Variants in ZNF470 observed in about 807,000 individuals in gnomAD.
ZNF470 encodes the protein zinc finger protein 470.
Under a neutral mutation model 13.9 loss-of-function variants are expected in ZNF470, and 13 were observed. The ratio of observed to expected loss-of-function variants is 0.94; its 90% CI spans 0.61 to 1.49. The LOEUF is 1.49. ZNF470 is among the 40% of genes most tolerant of loss of function. The probability of loss-of-function intolerance (pLI) is 0.00; values close to 1 mark genes in which losing one functional copy is unlikely to be tolerated. For missense variants in ZNF470, 929 were observed against 857.3 expected, an observed-to-expected ratio of 1.08 and a Z score of -1.04; for synonymous variants, 293 against 282.9, an observed-to-expected ratio of 1.04 and a Z score of -0.36.
chr19:56,571,025 C>T (rs769423963), intron 3 of ZNF470, among the ~76,000 whole-genome samples: 4 of 152,136 alleles, frequency 2.6e-5, no homozygotes, highest in African/African-American at 4.8e-5. Flanking sequence ...CTGCTGAGGG[C>T]AGGAAGGGTT....
rs138941938 is a variant in ZNF470 at position 56,574,650 on chromosome 19, C to G, written c.200C>G (p.Ser67Cys). Reference sequence around the variant, plus strand: ...TTTTTACATGCAGGTCTTTGCATTTCTAAACCAGATGTGATCTCCTTACTG... The same window carrying G: ...TTTTTACATGCAGGTCTTTGCATTTGTAAACCAGATGTGATCTCCTTACTG... Reference protein sequence around the residue: ...RNLVSVGLCISKPDVISLLEQ... With the variant: ...RNLVSVGLCICKPDVISLLEQ... Residue 67 changes from serine to cysteine, a missense_variant, in exon 5 of 6, where the codon TCT becomes TGT. Ser to Cys is a moderately radical substitution (Grantham distance 112). Transcript: ENST00000330619. 1.6e-4 allele frequency: 260 copies of G among 1,613,620 alleles called. 1 individual carries two copies. The African/African-American group carries it at 3.1e-3, about 19-fold the overall frequency.
In ZNF470 at chr19:56,574,749, C is replaced by G. The variant is rs1302927603; in HGVS notation, c.283+16C>G. On this transcript the variant is annotated intron_variant, in intron 5 of 5. Transcript: ENST00000330619. The stretch of plus-strand genomic sequence containing the variant: ...CTGTGCCCAGGTAAGTGGAGGATAC[C>G]TAGAGATAAAGGAACTGTTCTCAAC... 3 of 1,603,030 alleles carry G rather than the reference C, an allele frequency of 1.9e-6. No homozygotes were observed. The highest frequency in any genetic ancestry group is 4.5e-5 in the East Asian group (2 of 44,808).
rs2044535700 is a variant in ZNF470, at chr19:56,581,477, A to G, written c.*2894A>G. On this transcript the variant is annotated 3_prime_UTR_variant, in exon 6 of 6. Coordinates refer to ENST00000330619, the MANE Select transcript of ZNF470 (RefSeq NM_001001668.4). ...AAATGTATTAGTGGCAAAAAAATTA[A>G]TGGTAAACTATTAAAACAACAAGTG... 2.2e-6 allele frequency: 2 copies of G among 924,452 alleles called. No individual in the cohort carries two copies. Among genetic ancestry groups the G allele is most frequent in the Non-Finnish European group, 2.6e-6 (2 of 774,556 alleles). 57.3% of individuals were successfully genotyped at this position (924,452 alleles called of 1,614,324 possible). A position where few individuals can be genotyped will look rare whatever the true frequency, so the allele number is the denominator to read the frequency against.
At chr19:56,569,643 A>G (rs2044435939) in intron 2 of ZNF470, among the ~76,000 whole-genome samples, 1 of 152,162 alleles carries the variant, frequency 6.6e-6, no homozygotes, top group Non-Finnish European at 1.5e-5. Flanking sequence ...TAAAGACAGT[A>G]TTAATATATG....
chr19:56,573,551 T>TG (rs1332285755), intron 3 of ZNF470, among the ~76,000 whole-genome samples: 1 of 152,246 alleles, frequency 6.6e-6, no homozygotes, highest in Non-Finnish European at 1.5e-5. Flanking sequence ...GATCACTTTG[T>TG]GGGTTGGTTA....
chr19:56,567,671 G>C lies in ZNF470; in HGVS notation c.-526G>C. On this transcript the variant is annotated 5_prime_UTR_variant, in exon 1 of 6. Coordinates refer to ENST00000330619, the MANE Select transcript of ZNF470 (RefSeq NM_001001668.4). ...ATACGTGGTGAGCGTGCGGTGCTGT[G>C]CTGAGGAGGGGCGAGCGCGCGCGGG... is the stretch of plus-strand genomic sequence containing the variant. 1 of 988,090 alleles carries C rather than the reference G, an allele frequency of 1.0e-6. No homozygotes were observed. The highest frequency in any genetic ancestry group is 1.2e-6 in the Non-Finnish European group (1 of 831,954). 61.2% of individuals were successfully genotyped at this position (988,090 alleles called of 1,614,324 possible). A position where few individuals can be genotyped will look rare whatever the true frequency, so the allele number is the denominator to read the frequency against.
Position 56,582,354 on chromosome 19 carries a change from C to T in ZNF470, c.*3771C>T. ...TAGCATTAAGGCAAAAAAAATTCAC[C>T]TAAGGGATTTTGTATGATATTGTTG... On this transcript the variant is annotated 3_prime_UTR_variant, in exon 6 of 6. Coordinates refer to ENST00000330619, the MANE Select transcript of ZNF470 (RefSeq NM_001001668.4). 1.0e-6 allele frequency: 1 copy of T among 985,232 alleles called. No individual in the cohort carries two copies. Among genetic ancestry groups the T allele is most frequent in the Non-Finnish European group, 1.2e-6 (1 of 829,862 alleles). 61.0% of individuals were successfully genotyped at this position (985,232 alleles called of 1,614,324 possible).
chr19:56,580,967 G>C lies in ZNF470; in HGVS notation c.*2384G>C. 1.0e-6 allele frequency: 1 copy of C among 984,886 alleles called. No homozygotes were observed. The allele number at this position is 984,886 out of a possible 1,614,324, so 61.0% of individuals were successfully genotyped here. The stretch of plus-strand genomic sequence containing the variant: ...TTAAAGGTCTAAATGTAAAATTAAA[G>C]TACATGAAAAACAGAATAATATATA... On this transcript the variant is annotated 3_prime_UTR_variant, in exon 6 of 6. Coordinates refer to ENST00000330619, the MANE Select transcript of ZNF470 (RefSeq NM_001001668.4).
chr19:56,567,490 C>G lies in ZNF470; in HGVS notation c.-707C>G, dbSNP rs1012315595. 4.1e-6 allele frequency: 4 copies of G among 985,910 alleles called. No individual in the cohort carries two copies. The highest frequency in any genetic ancestry group is 4.8e-6 in the Non-Finnish European group (4 of 830,322). 61.1% of individuals were successfully genotyped at this position (985,910 alleles called of 1,614,324 possible). The stretch of plus-strand genomic sequence containing the variant: ...CCCACTTCCGGAAAGGACCCAAAGC[C>G]GGGCGAGTGCACGTCCCGCCGGTTG... On this transcript the variant is annotated 5_prime_UTR_variant, in exon 1 of 6. Coordinates refer to ENST00000330619, the MANE Select transcript of ZNF470 (RefSeq NM_001001668.4).
At chr19:56,570,165 G>A in intron 2 of ZNF470, 115 bp from the exon 3 acceptor site, 1 of 680,390 alleles carries the variant, frequency 1.5e-6, no homozygotes, top group Non-Finnish European at 2.6e-6. Flanking sequence ...CTGTGGGGTG[G>A]GGGAGTTGGA....
chr19:56,577,313 A>C lies in ZNF470; in HGVS notation c.884A>C (p.Gln295Pro). ...ECTECGKAFSQNAHLVQHQRV... is the reference protein window; with the variant it reads ...ECTECGKAFSPNAHLVQHQRV... ...ACTGAATGTGGGAAAGCCTTCAGCC[A>C]GAATGCTCATCTTGTTCAACACCAG... Residue 295 changes from glutamine to proline, a missense_variant, in exon 6 of 6, where the codon CAG becomes CCG. By Grantham distance (76) the Gln-to-Pro change is moderately conservative. Transcript: ENST00000330619. The C allele has an allele frequency of 6.2e-7, 1 of 1,613,942 alleles. No individual in the cohort carries two copies. The highest frequency in any genetic ancestry group is 8.5e-7 in the Non-Finnish European group (1 of 1,179,890).
At position 56,578,824 on chromosome 19, in the gene ZNF470, C is replaced by T; in HGVS notation, c.*241C>T. Reference sequence around the variant, plus strand: ...GATTTGAAAAATATATTAACTAATCCATTTCAAGGATTTAGCACACACTGG... The same window carrying T: ...GATTTGAAAAATATATTAACTAATCTATTTCAAGGATTTAGCACACACTGG... On this transcript the variant is annotated 3_prime_UTR_variant, in exon 6 of 6. Transcript: ENST00000330619. The T allele has an allele frequency of 8.4e-7, 1 of 1,189,342 alleles. No individual in the cohort carries two copies. Among genetic ancestry groups the T allele is most frequent in the Non-Finnish European group, 1.0e-6 (1 of 954,948 alleles). The allele number at this position is 1,189,342 out of a possible 1,614,324, so 73.7% of individuals were successfully genotyped here. A position where few individuals can be genotyped will look rare whatever the true frequency, so the allele number is the denominator to read the frequency against.
rs1185556338 is a variant in ZNF470, at chr19:56,582,431, A to T, written c.*3848A>T. The T allele has an allele frequency of 1.0e-6, 1 of 985,296 alleles. No individual in the cohort carries two copies. Among genetic ancestry groups the T allele is most frequent in the African/African-American group, 1.7e-5 (1 of 57,228 alleles). The allele number at this position is 985,296 out of a possible 1,614,324, so 61.0% of individuals were successfully genotyped here. A position where few individuals can be genotyped will look rare whatever the true frequency, so the allele number is the denominator to read the frequency against. On this transcript the variant is annotated 3_prime_UTR_variant, in exon 6 of 6. Transcript: ENST00000330619. Reference sequence around the variant, plus strand: ...ATAGGGTTAAGATGGCTCATAACCAAATTTAGAGACTATTTTTATGCATTG... The same window carrying T: ...ATAGGGTTAAGATGGCTCATAACCATATTTAGAGACTATTTTTATGCATTG...
intron 5 of ZNF470, 70 bp downstream of exon 5, chr19:56,574,803 A>G: frequency 7.3e-7 from 1 of 1,370,422 alleles, no homozygotes; most frequent in Non-Finnish European, 1.0e-6. Context: ...TGTGTTGGAA[A>G]ACACCTCTCA....
intron 4 of ZNF470, 31 bp downstream of exon 4, chr19:56,574,551 A>G (rs1396854792): frequency 9.9e-6 from 16 of 1,612,720 alleles, no homozygotes; most frequent in South Asian, 2.2e-5. Flanking sequence ...TTGCCTCCCC[A>G]TGACTCAGTA....
rs143797635 is a variant in ZNF470 at position 56,578,499 on chromosome 19, A to G, written c.2070A>G (p.Val690=). ...KECGKAFRQS[V]HLAHHQRIHT... ...GTGGAAAAGCCTTCAGGCAGAGTGT[A>G]CATCTTGCTCATCATCAGCGAATTC... Residue 690 remains valine (V), a synonymous_variant, in exon 6 of 6, where the codon GTA becomes GTG. Coordinates refer to ENST00000330619, the MANE Select transcript of ZNF470 (RefSeq NM_001001668.4). 5.0e-6 allele frequency: 8 copies of G among 1,608,282 alleles called. No homozygotes were observed. The African/African-American group carries it at 5.4e-5, about 11-fold the overall frequency.
At chr19:56,573,884 A>G (rs2044471389) in intron 3 of ZNF470, 2 of 708,148 alleles carry the variant, frequency 2.8e-6, no homozygotes, top group African/African-American at 3.9e-5. Context: ...GACTATAGCT[A>G]GGTGTTTTTT....
At chr19:56,570,003 T>TACAC (rs3971683) in intron 2 of ZNF470, among the ~76,000 whole-genome samples, 2 of 150,968 alleles carry the variant, frequency 1.3e-5, no homozygotes, top group South Asian at 2.1e-4. Flanking sequence ...AAAAAAAATG[T>TACAC]ACACACACAC....
chr19:56,581,968 T>C lies in ZNF470; in HGVS notation c.*3385T>C. The stretch of plus-strand genomic sequence containing the variant: ...CTGTGATTCCTCAAACTACCCATTG[T>C]CTTTCCGGTACTTGATTTTTGCCTC... On this transcript the variant is annotated 3_prime_UTR_variant, in exon 6 of 6. Coordinates refer to ENST00000330619, the MANE Select transcript of ZNF470 (RefSeq NM_001001668.4). 1 of 985,462 alleles carries C rather than the reference T, an allele frequency of 1.0e-6. No individual in the cohort carries two copies. The highest frequency in any genetic ancestry group is 1.2e-6 in the Non-Finnish European group (1 of 829,948). 61.0% of individuals were successfully genotyped at this position (985,462 alleles called of 1,614,324 possible).
Sources: gnomAD v4.1 joint callset for allele counts (sites outside exome capture counted in the v4.1 genomes callset) on GRCh38, gnomAD v4.1.1 for gene constraint, MANE v1.5 for transcripts, NCBI Gene and HGNC (gene_info 2026-07-23, HGNC 2026-07-21) for gene names.